Variants in RPL5 observed in about 807,000 individuals in gnomAD.
RPL5 encodes large ribosomal subunit protein uL18.
RPL5 carries 1 observed loss-of-function variant against 38.4 expected under a neutral mutation model. The observed-to-expected ratio is 0.03, with a 90% confidence interval of 0.01 to 0.12. The LOEUF is 0.12. RPL5 is among the 10% of genes least tolerant of loss of function. The pLI is 1.00. For synonymous variants in RPL5, 109 were observed against 121.2 expected (o/e 0.90, Z 0.66); for missense variants, 243 against 374.1 (o/e 0.65, Z 2.89).
At chr1:92,840,248 T>G (rs1044065113) in intron 6 of RPL5, 1 of 351,938 alleles carries the variant, frequency 2.8e-6, no homozygotes. Flanking sequence ...TGGGCTGAAG[T>G]GATCCTCCCA....
At chr1:92,839,932 C>T (rs1023420104) in intron 6 of RPL5, among the ~76,000 whole-genome samples, 1 of 151,126 alleles carries the variant, frequency 6.6e-6, no homozygotes, top group Non-Finnish European at 1.5e-5. Context: ...CTTCAGACTT[C>T]TGGGCTCAAG....
At chr1:92,840,451 T>C in intron 6 of RPL5, 100 bp from the exon 7 acceptor site, 1 of 870,794 alleles carries the variant, frequency 1.1e-6, no homozygotes, top group East Asian at 2.4e-5. Context: ...TTAGTTCCTT[T>C]TGAGAATCTG....
At chr1:92,832,503 G>A (rs1474907751) in intron 1 of RPL5, among the ~76,000 whole-genome samples, 1 of 152,254 alleles carries the variant, frequency 6.6e-6, no homozygotes, top group Non-Finnish European at 1.5e-5. Flanking sequence ...GCAGGTCCTC[G>A]GGTCCCACTC....
rs985392468 is a variant in RPL5 at position 92,837,477 on chromosome 1, T to C, written c.549T>C (p.Tyr183=). The C allele has an allele frequency of 1.2e-6, 2 of 1,613,304 alleles. No homozygotes were observed. The highest frequency in any genetic ancestry group is 1.7e-5 in the Admixed American group (1 of 60,008). The part of the protein sequence containing the change: ...IPHSTKRFPG[Y]DSESKEFNAE... Reference sequence around the variant, plus strand: ...TTAGTACCAAACGATTCCCTGGTTATGATTCTGAAAGCAAGGAATTTAATG... The same window carrying C: ...TTAGTACCAAACGATTCCCTGGTTACGATTCTGAAAGCAAGGAATTTAATG... Residue 183 remains tyrosine, a synonymous_variant, in exon 6 of 8, where the codon TAT becomes TAC. Transcript: ENST00000370321.
In RPL5 at chr1:92,836,325, A is replaced by G; in HGVS notation, c.460A>G (p.Thr154Ala). The change falls in exon 5 of 8, where the codon ACC (threonine) becomes GCC (alanine). Residue 154 changes from threonine (T) to alanine (A), a missense_variant. Physicochemically the swap from Thr to Ala is moderately conservative, Grantham distance 58. Coordinates refer to ENST00000370321, the MANE Select transcript of RPL5 (RefSeq NM_000969.5). ...TTTGGATGCAGGCCTTGCCAGAACT[A>G]CCACTGGCAATAAAGTTTTTGGTGC... is the stretch of plus-strand genomic sequence containing the variant. The part of the protein sequence containing the change: ...CYLDAGLART[T>A]TGNKVFGALK... The G allele has an allele frequency of 6.2e-7, 1 of 1,614,206 alleles. No homozygotes were observed. Among genetic ancestry groups the G allele is most frequent in the Non-Finnish European group, 8.5e-7 (1 of 1,180,044 alleles).
chr1:92,841,057 A>G (rs147643016), intron 7 of RPL5, among the ~76,000 whole-genome samples: 3 of 152,364 alleles, frequency 2.0e-5, no homozygotes, highest in Non-Finnish European at 4.4e-5. Flanking sequence ...TGTGGCAACA[A>G]CATTTGAAAT....
rs539843617 is a variant in RPL5, at chr1:92,839,847, CT to C, written c.706-693del. Among the ~76,000 whole-genome samples, 307 of 146,554 alleles carry C rather than the reference CT, an allele frequency of 2.1e-3. 6 individuals carry two copies. The South Asian group carries it at 0.034, about 16-fold the overall frequency. The stretch of plus-strand genomic sequence containing the variant: ...GCAGATTTTTCTTTTTGTTTTCTTA[CT>C]TTTTTTTTTTGAGGCAGGATCTTGT... On this transcript the variant is annotated intron_variant, in intron 6 of 7. Coordinates refer to ENST00000370321, the MANE Select transcript of RPL5 (RefSeq NM_000969.5).
chr1:92,840,765 G>C (rs988079975), intron 7 of RPL5, 126 bp downstream of exon 7: 2 of 782,098 alleles, frequency 2.6e-6, no homozygotes, highest in Non-Finnish European at 4.6e-6. Context: ...GAAGCGAAGG[G>C]AACCAGGTTT....
chr1:92,835,864 A>T (rs962214759), intron 4 of RPL5, among the ~76,000 whole-genome samples: 14 of 152,196 alleles, frequency 9.2e-5, no homozygotes, highest in African/African-American at 3.4e-4. Flanking sequence ...CATTGGTTAT[A>T]AACATGTTTT....
intron 3 of RPL5, among the ~76,000 whole-genome samples, 175 bp from the exon 4 acceptor site, chr1:92,834,604 C>T (rs558799905): frequency 1.3e-5 from 2 of 152,310 alleles, no homozygotes; most frequent in Non-Finnish European, 2.9e-5. Flanking sequence ...TTGGGTATTC[C>T]TCTTTGACTT....
At chr1:92,840,204 TCTCA>T (rs1295578634) in intron 6 of RPL5, 3 of 287,936 alleles carry the variant, frequency 1.0e-5, no homozygotes, top group African/African-American at 6.8e-5. Context: ...TGGAGACAGG[TCTCA>T]CTGTGTTGCC....
intron 3 of RPL5, 34 bp downstream of exon 3, chr1:92,833,694 T>C (rs1687006442): frequency 6.5e-7 from 1 of 1,544,914 alleles, no homozygotes. Flanking sequence ...CCTTTTTTTA[T>C]TGCTAGAGAA....
intron 7 of RPL5, 178 bp downstream of exon 7, chr1:92,840,817 A>C (rs777175835): frequency 1.4e-6 from 1 of 722,100 alleles, no homozygotes; most frequent in South Asian, 1.4e-5. Context: ...AGCCTCAGAC[A>C]CTACTGAGGT....
chr1:92,834,935 T>C (rs780601749), intron 4 of RPL5, 22 bp downstream of exon 4: 3 of 1,599,830 alleles, frequency 1.9e-6, no homozygotes, highest in South Asian at 1.1e-5. Context: ...ATGATTTTAA[T>C]TGATGTAGTT....
At chr1:92,833,064 C>T (rs554425454) in intron 1 of RPL5, 5 of 726,782 alleles carry the variant, frequency 6.9e-6, no homozygotes, top group African/African-American at 6.9e-5. Flanking sequence ...AAATTGAAAG[C>T]GTTTAAAACC....
Position 92,834,905 on chromosome 1 carries a change from G to T in RPL5, c.316G>T (p.Ala106Ser). Residue 106 changes from alanine to serine, a missense_variant, in exon 4 of 8, where the codon GCC becomes TCC. By Grantham distance (99) the Ala-to-Ser change is moderately conservative. Transcript: ENST00000370321. ...AAAYCTGLLL[A>S]RRLLNRFGMD... is the part of the protein sequence containing the mutation. The stretch of plus-strand genomic sequence containing the variant: ...AGCATATTGTACTGGCCTGCTGCTG[G>T]CCCGCAGGGTATGTACAAGATGATT... 1 of 1,601,376 alleles carries T rather than the reference G, an allele frequency of 6.2e-7. No homozygotes were observed. The highest frequency in any genetic ancestry group is 8.5e-7 in the Non-Finnish European group (1 of 1,179,968).
chr1:92,838,680 C>G (rs1014421694), intron 6 of RPL5, among the ~76,000 whole-genome samples: 6 of 152,332 alleles, frequency 3.9e-5, no homozygotes, highest in African/African-American at 1.4e-4. Context: ...GTCTTTACCT[C>G]AATTCAGGCA....
chr1:92,832,777 C>G (rs951691915), intron 1 of RPL5: 183 of 515,580 alleles, frequency 3.5e-4, no homozygotes, highest in Non-Finnish European at 4.9e-4. Flanking sequence ...TGAAATGTTG[C>G]TTTAGCTGAT....
intron 6 of RPL5, among the ~76,000 whole-genome samples, chr1:92,839,662 G>A (rs577813269): frequency 6.6e-6 from 1 of 152,288 alleles, no homozygotes; most frequent in East Asian, 1.9e-4. Context: ...GGTCCCATAC[G>A]TTCATCATCT....
Sources: allele counts gnomAD v4.1 joint callset (sites outside exome capture counted in the v4.1 genomes callset), GRCh38; gene constraint gnomAD v4.1.1; transcripts MANE v1.5; gene names NCBI Gene and HGNC (gene_info 2026-07-23, HGNC 2026-07-21).